Variants in MTO1 observed in about 807,000 individuals in gnomAD.
MTO1 encodes the protein 5-taurinomethyluridine-[tRNA] synthase subunit MTO1, mitochondrial.
In MTO1, 46 loss-of-function variants were observed where a neutral mutation model predicts 71.6. The observed-to-expected ratio is 0.64, with a 90% CI of 0.51 to 0.82. The LOEUF is 0.82. MTO1 is among the 40% of genes least tolerant of loss of function. The probability of loss-of-function intolerance (pLI) is 0.00; values close to 1 mark genes in which losing one functional copy is unlikely to be tolerated. For missense variants in MTO1, 773 were observed against 867.5 expected (o/e 0.89, Z 1.37); for synonymous variants, 297 against 312.1 (o/e 0.95, Z 0.51).
chr6:73,503,834 C>T lies in MTO1; in HGVS notation c.*3099C>T, dbSNP rs893442545. The T allele has an allele frequency of 7.9e-5, 12 of 152,272 alleles. No individual in the cohort carries two copies. The highest frequency in any genetic ancestry group is 2.2e-4 in the African/African-American group (9 of 41,562). 9.4% of individuals were successfully genotyped at this position (152,272 alleles called of 1,614,324 possible). On this transcript the variant is annotated 3_prime_UTR_variant, in exon 12 of 12. Transcript: ENST00000498286. ...CGATTATGGCCTTGAAAATGAAGTT[C>T]CTTTATAGCCAAGAGCTTAAATTTT...
In MTO1 at chr6:73,501,080, A is replaced by G. The variant is rs1351521159; in HGVS notation, c.*345A>G. 1 of 167,274 alleles carries G rather than the reference A, an allele frequency of 6.0e-6. No individual in the cohort carries two copies. Among genetic ancestry groups the G allele is most frequent in the African/African-American group, 2.4e-5 (1 of 42,160 alleles). The allele number at this position is 167,274 out of a possible 1,614,324, so 10.4% of individuals were successfully genotyped here. ...CTTTGCCTATTAAGTCTACCAAATT[A>G]AAAGTCTTATCATTCAGCGTGTTTT... On this transcript the variant is annotated 3_prime_UTR_variant, in exon 12 of 12. Coordinates refer to ENST00000498286, the MANE Select transcript of MTO1 (RefSeq NM_012123.4).
chr6:73,497,801 C>T lies in MTO1; in HGVS notation c.1822C>T (p.Leu608Phe), dbSNP rs1240922278. ...EIKGVQQDEALQLPKDLDYLT... is the reference protein window; with the variant it reads ...EIKGVQQDEAFQLPKDLDYLT... ...AAAGGGAGTTCAGCAAGATGAAGCT[C>T]TCCAACTGCCAAAAGACCTAGATTA... is the stretch of plus-strand genomic sequence containing the variant. The change falls in exon 11 of 12, where the codon CTC becomes TTC. Residue 608 changes from leucine to phenylalanine, a missense_variant. Coordinates refer to ENST00000498286, the MANE Select transcript of MTO1 (RefSeq NM_012123.4). 1.9e-6 allele frequency: 3 copies of T among 1,613,898 alleles called. No homozygotes were observed. The highest frequency in any genetic ancestry group is 2.7e-5 in the African/African-American group (2 of 75,026).
chr6:73,474,433 T>G (rs1231459024), intron 4 of MTO1, among the ~76,000 whole-genome samples: 1 of 152,108 alleles, frequency 6.6e-6, no homozygotes, highest in Non-Finnish European at 1.5e-5. Flanking sequence ...ATTGGGTATT[T>G]CCCCATAAAT....
In MTO1 at chr6:73,507,467, T is replaced by G. The variant is rs1772319239; in HGVS notation, c.*6732T>G. On this transcript the variant is annotated 3_prime_UTR_variant, in exon 12 of 12. Coordinates refer to ENST00000498286, the MANE Select transcript of MTO1 (RefSeq NM_012123.4). ...CTGTGTATTCCTCAGAGTAAGAATT[T>G]TTCTAAAAAGTTTTTAAAAACTTAA... 1 of 152,234 alleles carries G rather than the reference T, an allele frequency of 6.6e-6. No homozygotes were observed. Among genetic ancestry groups the G allele is most frequent in the Admixed American group, 6.5e-5 (1 of 15,282 alleles). The allele number at this position is 152,234 out of a possible 1,614,324, so 9.4% of individuals were successfully genotyped here.
chr6:73,463,639 A>AG (rs1205629035), intron 1 of MTO1, among the ~76,000 whole-genome samples: 6 of 152,270 alleles, frequency 3.9e-5, no homozygotes, highest in African/African-American at 1.4e-4. Flanking sequence ...GTGAAGAAAT[A>AG]TATACTATTA....
intron 10 of MTO1, among the ~76,000 whole-genome samples, chr6:73,494,104 A>G (rs1258009191): frequency 6.6e-6 from 1 of 151,926 alleles, no homozygotes; most frequent in Non-Finnish European, 1.5e-5. Flanking sequence ...GCATGGTGGC[A>G]GGCACCTATA....
intron 4 of MTO1, 147 bp downstream of exon 4, chr6:73,473,801 T>G: frequency 1.3e-6 from 1 of 747,600 alleles, no homozygotes; most frequent in East Asian, 2.8e-5. Context: ...TTTTTTTTTT[T>G]TTTGAGATAA....
At chr6:73,480,466 C>A (rs1344329838) in intron 6 of MTO1, 3 of 602,094 alleles carry the variant, frequency 5.0e-6, no homozygotes, top group Non-Finnish European at 8.9e-6. Flanking sequence ...GACAGGGTTT[C>A]TCCCTGTTGG....
chr6:73,473,561 CA>C lies in MTO1; in HGVS notation c.735del (p.Glu246SerfsTer8). On this transcript the variant is annotated frameshift_variant, in exon 4 of 12. Coordinates refer to ENST00000498286, the MANE Select transcript of MTO1 (RefSeq NM_012123.4). LOFTEE classifies it high-confidence loss of function. ...LKTGTPPRIA[K>X]ESINFSILNK... ...AGACTGGGACTCCACCCCGAATTGCCAAAGAGTCCATTAATTTCAGTATTCT... is the reference window on the plus strand; with the variant it reads ...AGACTGGGACTCCACCCCGAATTGCCAAGAGTCCATTAATTTCAGTATTCT... 6.2e-7 allele frequency: 1 copy of C among 1,613,968 alleles called. No individual in the cohort carries two copies. Among genetic ancestry groups the C allele is most frequent in the East Asian group, 2.2e-5 (1 of 44,864 alleles).
intron 4 of MTO1, among the ~76,000 whole-genome samples, chr6:73,476,449 CA>C (rs35651201): frequency 1.5e-5 from 2 of 131,784 alleles, no homozygotes; most frequent in Non-Finnish European, 3.3e-5. Flanking sequence ...CGGAGAAAAA[CA>C]AAAAAAAGTA....
At chr6:73,482,713 T>A in intron 9 of MTO1, 93 bp downstream of exon 9, 3 of 979,868 alleles carry the variant, frequency 3.1e-6, no homozygotes, top group Non-Finnish European at 4.3e-6. Context: ...TGTTCCTACC[T>A]ACACATTTCA....
At chr6:73,497,982 T>G in intron 11 of MTO1, 86 bp downstream of exon 11, 18 of 1,143,766 alleles carry the variant, frequency 1.6e-5, no homozygotes, top group Non-Finnish European at 2.2e-5. Flanking sequence ...ATAATGGCCA[T>G]ATAACTAATG....
intron 10 of MTO1, among the ~76,000 whole-genome samples, chr6:73,494,436 A>G (rs570556711): frequency 3.8e-4 from 57 of 151,598 alleles, no homozygotes; most frequent in African/African-American, 1.4e-3. Context: ...CAGAATGGTG[A>G]TCATGCTGCA....
intron 10 of MTO1, among the ~76,000 whole-genome samples, chr6:73,496,609 T>C (rs1224748935): frequency 6.6e-6 from 1 of 151,574 alleles, no homozygotes; most frequent in Non-Finnish European, 1.5e-5. Context: ...GCATTAGATC[T>C]CCTAATGCTA....
intron 11 of MTO1, among the ~76,000 whole-genome samples, chr6:73,498,870 G>GCC (rs1383153578): frequency 4.2e-4 from 64 of 151,998 alleles, no homozygotes; most frequent in Admixed American, 2.2e-3. Flanking sequence ...GACTACAGGC[G>GCC]CATGCCACCA....
chr6:73,468,989 T>C lies in MTO1; in HGVS notation c.535+2383T>C, dbSNP rs529123932. ...AACTTCCTTTAAGTATCTAGCGAAC[T>C]TTGGTTTTCTGTTGACTTCTTTGCG... is the stretch of plus-strand genomic sequence containing the variant. On this transcript the variant is annotated intron_variant, in intron 3 of 11. Transcript: ENST00000498286. 1.1e-4 allele frequency among the ~76,000 whole-genome samples: 16 copies of C among 151,742 alleles called. No homozygotes were observed. The South Asian group carries it at 1.5e-3, about 14-fold the overall frequency.
In MTO1 at chr6:73,480,813, G is replaced by T. The variant is rs773800597; in HGVS notation, c.1260+8G>T. On this transcript the variant is annotated splice_region_variant and intron_variant, in intron 7 of 11. Transcript: ENST00000498286. ...GAGGAAGCTGCAGCTCAAGTAAGAA[G>T]TTAAGATATTAATGTAAACTGAAAG... is the stretch of plus-strand genomic sequence containing the variant. 6.2e-7 allele frequency: 1 copy of T among 1,613,520 alleles called. No individual in the cohort carries two copies. The highest frequency in any genetic ancestry group is 2.2e-5 in the East Asian group (1 of 44,860).
intron 4 of MTO1, among the ~76,000 whole-genome samples, chr6:73,474,501 C>G (rs182386429): frequency 1.3e-5 from 2 of 152,014 alleles, no homozygotes; most frequent in South Asian, 4.2e-4. Context: ...CCTGCTGGAG[C>G]GCAATGGTGA....
At position 73,479,979 on chromosome 6, in the gene MTO1, C is replaced by G; in HGVS notation, c.982C>G (p.Arg328Gly). The G allele has an allele frequency of 6.2e-7, 1 of 1,613,380 alleles. No homozygotes were observed. The highest frequency in any genetic ancestry group is 1.1e-5 in the South Asian group (1 of 90,946). Reference protein sequence around the residue: ...IESKVLRFPNRLHQVWLEPEG... With the variant: ...IESKVLRFPNGLHQVWLEPEG... The stretch of plus-strand genomic sequence containing the variant: ...ATCAAAAGTTTTGCGTTTTCCAAAC[C>G]GTCTACATCAGGTTTGGTTGGAACC... Residue 328 changes from arginine to glycine, a missense_variant, in exon 6 of 12, where the codon CGT becomes GGT. Coordinates refer to ENST00000498286, the MANE Select transcript of MTO1 (RefSeq NM_012123.4).
Sources: allele counts gnomAD v4.1 joint callset (sites outside exome capture counted in the v4.1 genomes callset), GRCh38; gene constraint gnomAD v4.1.1; transcripts MANE v1.5; gene names NCBI Gene and HGNC (gene_info 2026-07-23, HGNC 2026-07-21).